TTLL11: variants seen among roughly 807,000 people sequenced by gnomAD.
TTLL11 encodes tubulin polyglutamylase TTLL11.
A neutral mutation model predicts 51.7 loss-of-function variants in TTLL11; 42 were observed. The observed-to-expected ratio is 0.81, with a 90% CI of 0.64 to 1.05. TTLL11 has a LOEUF of 1.05. Ranked by LOEUF, TTLL11 falls within the 50% of genes least tolerant of loss-of-function variation. The pLI is 0.00. For synonymous variants in TTLL11, 381 were observed against 383.5 expected (o/e 0.99, Z 0.08); for missense variants, 799 against 940.4 (o/e 0.85, Z 1.97).
At chr9:121,885,848 C>T (rs1838991384) in intron 6 of TTLL11, among the ~76,000 whole-genome samples, 2 of 152,196 alleles carry the variant, frequency 1.3e-5, no homozygotes, top group Admixed American at 1.3e-4. Flanking sequence ...CTTGCCTCAG[C>T]CTCTCAAGTA....
Position 121,946,061 on chromosome 9 carries a change from G to A in TTLL11, c.1481+27948C>T, listed in dbSNP as rs536462203. Among the ~76,000 whole-genome samples, 4 of 152,346 alleles carry A rather than the reference G, an allele frequency of 2.6e-5. No homozygotes were observed. In the South Asian group the frequency reaches 8.3e-4, roughly 32 times the overall value. On this transcript the variant is annotated intron_variant, in intron 6 of 8. Transcript: ENST00000321582. Reference sequence around the variant, plus strand: ...CTGAGCCTTGAAGAGCTCACAGGATGTTTAAACCATAAATCCAGCATTCCT... The same window carrying A: ...CTGAGCCTTGAAGAGCTCACAGGATATTTAAACCATAAATCCAGCATTCCT...
chr9:121,971,746 G>GAAAAAAAAAAAAAAAAA (rs768215225), intron 6 of TTLL11, among the ~76,000 whole-genome samples: 8 of 97,884 alleles, frequency 8.2e-5, no homozygotes, highest in Admixed American at 2.2e-4. Flanking sequence ...TCTGCCTTGG[G>GAAAAAAAAAAAAAAAAA]AAAAAAAAAA....
intron 6 of TTLL11, among the ~76,000 whole-genome samples, chr9:121,966,626 G>T (rs567912135): frequency 6.6e-6 from 1 of 152,192 alleles, no homozygotes; most frequent in East Asian, 1.9e-4. Flanking sequence ...GAAATTTTCC[G>T]TTGATTATTC....
At chr9:122,075,237 T>C (rs1314810456) in intron 1 of TTLL11, among the ~76,000 whole-genome samples, 1 of 152,200 alleles carries the variant, frequency 6.6e-6, no homozygotes, top group Non-Finnish European at 1.5e-5. Context: ...GGTCCCTTTT[T>C]CTAATTCACA....
At chr9:122,083,077 T>C (rs1846040415) in intron 1 of TTLL11, among the ~76,000 whole-genome samples, 1 of 152,102 alleles carries the variant, frequency 6.6e-6, no homozygotes, top group South Asian at 2.1e-4. Context: ...TTATATACAG[T>C]ATATATTTGT....
intron 3 of TTLL11, among the ~76,000 whole-genome samples, chr9:122,023,865 A>G (rs964874104): frequency 6.6e-6 from 1 of 152,134 alleles, no homozygotes; most frequent in African/African-American, 2.4e-5. Context: ...CTTAATGATG[A>G]AAGACGAAAT....
At chr9:121,964,192 T>C (rs1470445167) in intron 6 of TTLL11, among the ~76,000 whole-genome samples, 2 of 151,584 alleles carry the variant, frequency 1.3e-5, no homozygotes, top group African/African-American at 2.4e-5. Flanking sequence ...AGGTTTCGAA[T>C]ACTGTGCCAG....
At chr9:122,007,309 T>A (rs987215451) in intron 3 of TTLL11, among the ~76,000 whole-genome samples, 1 of 151,220 alleles carries the variant, frequency 6.6e-6, no homozygotes, top group Non-Finnish European at 1.5e-5. Flanking sequence ...GCTCAGAAAA[T>A]GACCCTGTCT....
intron 1 of TTLL11, among the ~76,000 whole-genome samples, chr9:122,077,833 CAAAA>C (rs11286316): frequency 1.0e-5 from 1 of 99,192 alleles, no homozygotes; most frequent in Non-Finnish European, 2.2e-5. Context: ...CAAAAACCTG[CAAAA>C]AAAAAAAAAA....
At chr9:121,826,153 A>AGT (rs1219373592) in intron 8 of TTLL11, among the ~76,000 whole-genome samples, 1 of 70,944 alleles carries the variant, frequency 1.4e-5, no homozygotes, top group Non-Finnish European at 2.5e-5. Context: ...ATCAAAGTAG[A>AGT]ATATATATAT....
chr9:122,019,032 T>C (rs1202362904), intron 3 of TTLL11, among the ~76,000 whole-genome samples: 1 of 152,244 alleles, frequency 6.6e-6, no homozygotes, highest in East Asian at 1.9e-4. Flanking sequence ...GGGTTTCCCA[T>C]CTTGGCAAAT....
chr9:122,073,721 G>T (rs1023996952), intron 1 of TTLL11, among the ~76,000 whole-genome samples: 17 of 152,224 alleles, frequency 1.1e-4, no homozygotes, highest in Admixed American at 9.2e-4. Flanking sequence ...AACCAGGAAA[G>T]AAGGCTTAAA....
chr9:122,046,040 A>G (rs962354572), intron 1 of TTLL11, among the ~76,000 whole-genome samples: 2 of 152,208 alleles, frequency 1.3e-5, no homozygotes. Flanking sequence ...AATGGTTAAA[A>G]TGGTAAATTT....
chr9:121,931,102 C>T (rs1564311447), intron 6 of TTLL11, among the ~76,000 whole-genome samples: 1 of 152,254 alleles, frequency 6.6e-6, no homozygotes. Flanking sequence ...TTAGTATGAG[C>T]TCTCCCTGCT....
intron 6 of TTLL11, among the ~76,000 whole-genome samples, chr9:121,924,600 T>C (rs1186900094): frequency 6.6e-6 from 1 of 151,574 alleles, no homozygotes; most frequent in Non-Finnish European, 1.5e-5. Flanking sequence ...GAAAAGAAGC[T>C]GGAGGACAGA....
At chr9:121,842,402 T>C (rs545404570) in intron 8 of TTLL11, among the ~76,000 whole-genome samples, 1 of 152,204 alleles carries the variant, frequency 6.6e-6, no homozygotes, top group South Asian at 2.1e-4. Context: ...GGATTATAGG[T>C]GCATGCCACC....
At chr9:122,033,007 C>T (rs1379128450) in intron 2 of TTLL11, among the ~76,000 whole-genome samples, 1 of 152,032 alleles carries the variant, frequency 6.6e-6, no homozygotes, top group East Asian at 1.9e-4. Flanking sequence ...CTCACTATTG[C>T]CCAGGCTAGT....
intron 6 of TTLL11, among the ~76,000 whole-genome samples, chr9:121,909,174 T>C (rs1213866192): frequency 6.6e-6 from 1 of 152,166 alleles, no homozygotes; most frequent in African/African-American, 2.4e-5. Flanking sequence ...CTTCCAACCA[T>C]ATCTGAGTGT....
chr9:121,932,961 G>A (rs1841050857), intron 6 of TTLL11, among the ~76,000 whole-genome samples: 1 of 152,196 alleles, frequency 6.6e-6, no homozygotes, highest in South Asian at 2.1e-4. Context: ...ATCCGAGCCT[G>A]TAAAGAGGTA....
Sources: allele counts gnomAD v4.1 joint callset (sites outside exome capture counted in the v4.1 genomes callset), GRCh38; gene constraint gnomAD v4.1.1; transcripts MANE v1.5; gene names NCBI Gene and HGNC (gene_info 2026-07-23, HGNC 2026-07-21).